CFHR2: variants seen among roughly 807,000 people sequenced by gnomAD.
CFHR2 encodes the protein complement factor H-related protein 2.
Under a neutral mutation model 21.7 loss-of-function variants are expected in CFHR2, and 22 were observed. The ratio of observed to expected loss-of-function variants is 1.01; its 90% CI spans 0.72 to 1.45. The LOEUF (loss-of-function observed/expected upper bound fraction) is 1.45, where lower values mean the gene tolerates loss of function less well. CFHR2 is among the 40% of genes most tolerant of loss of function. The pLI is 0.00. For missense variants in CFHR2, 294 were observed against 293.3 expected (o/e 1.00, Z -0.02); for synonymous variants, 98 against 97.4 (o/e 1.01, Z -0.04).
chr1:196,949,443 T>C lies in CFHR2; in HGVS notation c.59-12T>C, dbSNP rs183954936. 606 of 1,604,542 alleles carry C rather than the reference T, an allele frequency of 3.8e-4. No individual in the cohort carries two copies. The African/African-American group carries it at 7.4e-3, about 20-fold the overall frequency. Reference sequence around the variant, plus strand: ...TATTATGTAATTCTTCAGTTTTGTGTTATTTTCCCAGCAATGTTCTGTGAT... The same window carrying C: ...TATTATGTAATTCTTCAGTTTTGTGCTATTTTCCCAGCAATGTTCTGTGAT... On this transcript the variant is annotated splice_polypyrimidine_tract_variant and intron_variant, in intron 1 of 4. Transcript: ENST00000367415.
chr1:196,944,528 T>C (rs1358146785), intron 1 of CFHR2, among the ~76,000 whole-genome samples: 2 of 151,972 alleles, frequency 1.3e-5, no homozygotes, highest in Non-Finnish European at 2.9e-5. Context: ...CACCTCTTTA[T>C]TAATACTACA....
chr1:196,951,596 G>A (rs376674058), intron 3 of CFHR2, among the ~76,000 whole-genome samples: 14 of 152,136 alleles, frequency 9.2e-5, no homozygotes, highest in East Asian at 1.9e-4. Context: ...GCAATTCTTC[G>A]TCTTTATAGC....
intron 1 of CFHR2, among the ~76,000 whole-genome samples, chr1:196,944,600 C>G (rs1659406310): frequency 6.6e-6 from 1 of 151,856 alleles, no homozygotes. Context: ...ATTAAGGCCA[C>G]CATATCAAAG....
At chr1:196,956,186 T>C (rs1402875635) in intron 3 of CFHR2, among the ~76,000 whole-genome samples, 1 of 152,178 alleles carries the variant, frequency 6.6e-6, no homozygotes, top group Non-Finnish European at 1.5e-5. Flanking sequence ...CTATATCAGG[T>C]GGCAAGTATG....
chr1:196,957,872 T>G lies in CFHR2; in HGVS notation c.431-19T>G, dbSNP rs1448908299. ...TATTTTTATTTACTCTCCCAGTAAA[T>G]CAAATGATGTTTTTTTAGTTTCTGC... On this transcript the variant is annotated intron_variant, in intron 3 of 4. Transcript: ENST00000367415. 1 of 1,606,060 alleles carries G rather than the reference T, an allele frequency of 6.2e-7. No individual in the cohort carries two copies. The highest frequency in any genetic ancestry group is 8.5e-7 in the Non-Finnish European group (1 of 1,175,136).
chr1:196,958,736 C>T (rs1414054603), intron 4 of CFHR2, 145 bp from the exon 5 acceptor site: 1 of 577,726 alleles, frequency 1.7e-6, no homozygotes, highest in Non-Finnish European at 3.1e-6. Context: ...TTACTTAAAT[C>T]TATATTTTGT....
intron 2 of CFHR2, among the ~76,000 whole-genome samples, chr1:196,950,184 A>G (rs1375044786): frequency 6.6e-6 from 1 of 152,204 alleles, no homozygotes; most frequent in Admixed American, 6.5e-5. Flanking sequence ...GAGGCAACAA[A>G]GGAGATAGCA....
chr1:196,945,775 TGA>T (rs1478088183), intron 1 of CFHR2, among the ~76,000 whole-genome samples: 2 of 89,496 alleles, frequency 2.2e-5, no homozygotes, highest in Non-Finnish European at 4.2e-5. Context: ...TGACTGTGAG[TGA>T]GTGTGTGTGT....
intron 2 of CFHR2, among the ~76,000 whole-genome samples, 196 bp from the exon 3 acceptor site, chr1:196,950,656 A>G (rs1383534605): frequency 6.6e-6 from 1 of 152,128 alleles, no homozygotes; most frequent in Admixed American, 6.5e-5. Flanking sequence ...TATTTTTAGT[A>G]GAAACAGGGT....
intron 1 of CFHR2, among the ~76,000 whole-genome samples, chr1:196,948,621 T>C (rs1021156741): frequency 6.6e-5 from 10 of 152,332 alleles, no homozygotes; most frequent in Middle Eastern, 3.4e-3. Flanking sequence ...TAATACCTAA[T>C]ACAATGTAAA....
chr1:196,946,672 A>G (rs1486079195), intron 1 of CFHR2, among the ~76,000 whole-genome samples: 1 of 152,214 alleles, frequency 6.6e-6, no homozygotes, highest in African/African-American at 2.4e-5. Context: ...CCACTAGAAG[A>G]TCTTCAGGGC....
rs767266412 is a variant in CFHR2 at position 196,945,031 on chromosome 1, C to T, written c.58+1093C>T. 5.5e-4 allele frequency among the ~76,000 whole-genome samples: 73 copies of T among 132,626 alleles called. 2 individuals are homozygous for T. The highest frequency in any genetic ancestry group is 1.5e-3 in the African/African-American group (59 of 38,478). The allele number at this position is 132,626 out of a possible 152,430, so 87.0% of individuals were successfully genotyped here. A position where few individuals can be genotyped will look rare whatever the true frequency, so the allele number is the denominator to read the frequency against. ...GGCTAGGATTACAGGCATGCACCACCACGCCTGGCTAATTTTGTATTTTTA... is the reference window on the plus strand; with the variant it reads ...GGCTAGGATTACAGGCATGCACCACTACGCCTGGCTAATTTTGTATTTTTA... On this transcript the variant is annotated intron_variant, in intron 1 of 4. Transcript: ENST00000367415.
At chr1:196,956,249 C>T (rs1652873777) in intron 3 of CFHR2, among the ~76,000 whole-genome samples, 1 of 152,178 alleles carries the variant, frequency 6.6e-6, no homozygotes, top group African/African-American at 2.4e-5. Flanking sequence ...CTCCAGCTAC[C>T]AATATCTCCT....
At chr1:196,951,703 T>C (rs145732741) in intron 3 of CFHR2, among the ~76,000 whole-genome samples, 19 of 152,218 alleles carry the variant, frequency 1.2e-4, no homozygotes, top group African/African-American at 4.6e-4. Context: ...CGATGGAAAC[T>C]TCTATAGCTC....
chr1:196,954,395 G>A (rs1652787663), intron 3 of CFHR2, among the ~76,000 whole-genome samples: 2 of 152,226 alleles, frequency 1.3e-5, no homozygotes, highest in Non-Finnish European at 2.9e-5. Flanking sequence ...GCTCTCATGG[G>A]CTAGCATTGA....
intron 1 of CFHR2, among the ~76,000 whole-genome samples, chr1:196,947,344 T>A (rs193162214): frequency 4.4e-4 from 67 of 152,252 alleles, no homozygotes; most frequent in Non-Finnish European, 9.1e-4. Context: ...GAAGCATAGG[T>A]ACAATATAAC....
chr1:196,951,660 C>G (rs1046009081), intron 3 of CFHR2, among the ~76,000 whole-genome samples: 3 of 152,100 alleles, frequency 2.0e-5, no homozygotes, highest in Admixed American at 2.0e-4. Flanking sequence ...TATGCTTGCA[C>G]AGCTCTGTAT....
chr1:196,958,333 C>A (rs1204386446), intron 4 of CFHR2, among the ~76,000 whole-genome samples: 1 of 151,322 alleles, frequency 6.6e-6, no homozygotes, highest in Non-Finnish European at 1.5e-5. Context: ...ATTTATAAAG[C>A]AATGATTACT....
chr1:196,950,892 A>G lies in CFHR2; in HGVS notation c.294A>G (p.Glu98=). 6.2e-7 allele frequency: 1 copy of G among 1,613,898 alleles called. No homozygotes were observed. The highest frequency in any genetic ancestry group is 8.5e-7 in the Non-Finnish European group (1 of 1,179,914). The change falls in exon 3 of 5, where the codon GAA becomes GAG. Residue 98 remains glutamate, a synonymous_variant. Coordinates refer to ENST00000367415, the MANE Select transcript of CFHR2 (RefSeq NM_005666.4). Reference sequence around the variant, plus strand: ...CTTTTGTGGAAAATGGTCATTCTGAATCTTCAGGACAAACACATCTGGAAG... The same window carrying G: ...CTTTTGTGGAAAATGGTCATTCTGAGTCTTCAGGACAAACACATCTGGAAG... ...FFPFVENGHS[E]SSGQTHLEGD...
Sources: allele counts gnomAD v4.1 joint callset (sites outside exome capture counted in the v4.1 genomes callset), GRCh38; gene constraint gnomAD v4.1.1; transcripts MANE v1.5; gene names NCBI Gene and HGNC (gene_info 2026-07-23, HGNC 2026-07-21).